Variants in PLAGL1 observed in about 807,000 individuals in gnomAD.
PLAGL1 encodes zinc finger protein PLAGL1.
PLAGL1 carries 1 observed loss-of-function variant against 4.6 expected under a neutral mutation model. The ratio of observed to expected loss-of-function variants is 0.22; its 90% CI spans 0.08 to 1.03. The LOEUF is 1.03. Ranked by LOEUF, PLAGL1 falls within the 50% of genes least tolerant of loss-of-function variation. The pLI is 0.58. For synonymous variants in PLAGL1, 240 were observed against 237.8 expected (o/e 1.01, Z -0.08); for missense variants, 464 against 570.4 (o/e 0.81, Z 1.90).
chr6:143,941,702 G>A lies in PLAGL1; in HGVS notation c.1114C>T (p.Leu372=). 6.2e-7 allele frequency: 1 copy of A among 1,614,260 alleles called. No homozygotes were observed. Among genetic ancestry groups the A allele is most frequent in the South Asian group, 1.1e-5 (1 of 91,086 alleles). Residue 372 remains leucine, a synonymous_variant, in exon 8 of 8, where the codon CTA becomes TTA. Coordinates refer to ENST00000674357, the MANE Select transcript of PLAGL1 (RefSeq NM_001317162.2). The surrounding 1 kb of genome is among the most constrained non-coding windows in gnomAD (Gnocchi z 6.0). The part of the protein sequence containing the change: ...PKELPADAVN[L]TIPASLDLSP... ...AGGTCCAGAGAGGCAGGTATTGTTA[G>A]GTTCACAGCATCTGCAGGCAGCTCC...
rs781556516 is a variant in PLAGL1, at chr6:143,942,372, A to T, written c.444T>A (p.Pro148=). The change falls in exon 8 of 8, where the codon CCT becomes CCA. Residue 148 remains proline, a synonymous_variant. Coordinates refer to ENST00000674357, the MANE Select transcript of PLAGL1 (RefSeq NM_001317162.2). This position sits in a 1 kb window ranked among gnomAD's most constrained non-coding sequence, Gnocchi z 7.6. ...HLKAHAEEKP[P]SGTKEKKHQC... is the part of the protein sequence containing the mutation. ...GGTGCTTCTTTTCCTTGGTTCCGCT[A>T]GGGGGCTTCTCTTCCGCATGGGCTT... 6 of 1,614,068 alleles carry T rather than the reference A, an allele frequency of 3.7e-6. No homozygotes were observed. Among genetic ancestry groups the T allele is most frequent in the Non-Finnish European group, 5.1e-6 (6 of 1,179,988 alleles).
At chr6:144,047,054 AGCACAGTATTT>A (rs1484701663) in intron 1 of PLAGL1, among the ~76,000 whole-genome samples, 2 of 152,214 alleles carry the variant, frequency 1.3e-5, no homozygotes, top group Non-Finnish European at 2.9e-5. Flanking sequence ...CCATTGGAAA[AGCACAGTATTT>A]GGGTGGCAAT....
In PLAGL1 at chr6:144,006,132, C is replaced by T. The variant is rs1794117063; in HGVS notation, c.-584+1958G>A. The stretch of plus-strand genomic sequence containing the variant: ...TACATAAAGAATAATTTAATGAATA[C>T]TGGTATGTCCACCATGGAATTTATG... On this transcript the variant is annotated intron_variant, in intron 1 of 7. Transcript: ENST00000674357. This position sits in a 1 kb window ranked among gnomAD's most constrained non-coding sequence, Gnocchi z 4.3. 1 of 152,062 alleles carries T rather than the reference C, an allele frequency of 6.6e-6. No homozygotes were observed. The highest frequency in any genetic ancestry group is 2.4e-5 in the African/African-American group (1 of 41,404). The allele number at this position is 152,062 out of a possible 1,614,324, so 9.4% of individuals were successfully genotyped here.
intron 1 of PLAGL1, among the ~76,000 whole-genome samples, chr6:144,023,588 A>G (rs1478808124): frequency 6.6e-6 from 1 of 152,148 alleles, no homozygotes; most frequent in Non-Finnish European, 1.5e-5. Context: ...GGGGGTACAA[A>G]TTAACAATTC....
chr6:144,023,469 G>A (rs1337837218), intron 1 of PLAGL1, among the ~76,000 whole-genome samples: 2 of 152,090 alleles, frequency 1.3e-5, no homozygotes, highest in Admixed American at 6.5e-5. Flanking sequence ...TTGAAGGGGG[G>A]CTGGGGAAAA....
chr6:144,011,965 C>T (rs1259911780), upstream of PLAGL1, among the ~76,000 whole-genome samples: 1 of 152,140 alleles, frequency 6.6e-6, no homozygotes. The surrounding 1 kb of genome is among the most constrained non-coding windows in gnomAD (Gnocchi z 4.3). Flanking sequence ...TGCCTTTCCA[C>T]ATTGGGGGAC....
chr6:143,941,424 T>C lies in PLAGL1; in HGVS notation c.1392A>G (p.Ter464=). The C allele has an allele frequency of 1.3e-6, 2 of 1,495,524 alleles. No homozygotes were observed. Among genetic ancestry groups the C allele is most frequent in the Non-Finnish European group, 1.8e-6 (2 of 1,122,220 alleles). 92.6% of individuals were successfully genotyped at this position (1,495,524 alleles called of 1,614,324 possible). ...ACGAAAAATACACTTTAAAAATCAA[T>C]TATCTGAATGCATGATGGAAATGAG... ...ILPHFHHAFR[*] Residue 464 remains the stop codon, a stop_retained_variant, in exon 8 of 8, where the codon TAA becomes TAG. Coordinates refer to ENST00000674357, the MANE Select transcript of PLAGL1 (RefSeq NM_001317162.2). The surrounding 1 kb of genome is among the most constrained non-coding windows in gnomAD (Gnocchi z 6.0).
chr6:144,046,813 C>T (rs1320213472), intron 1 of PLAGL1, among the ~76,000 whole-genome samples: 4 of 152,208 alleles, frequency 2.6e-5, no homozygotes, highest in Non-Finnish European at 4.4e-5. Flanking sequence ...TCTACAGAGG[C>T]AGGCAGGCAG....
In PLAGL1 at chr6:144,027,292, A is replaced by AAAGAAAGAAAGAAAGAAAGAAAAAGT. The variant is rs752733300; in HGVS notation, c.-151+37175_-151+37176insACTTTTTCTTTCTTTCTTTCTTTCTT. On this transcript the variant is annotated intron_variant, in intron 1 of 3. Coordinates refer to the PLAGL1 transcript ENST00000437412. The surrounding 1 kb of genome is among the most constrained non-coding windows in gnomAD (Gnocchi z 5.8). Reference sequence around the variant, plus strand: ...GAAAGAAAGAAAGAAAGAAAGAAAGAAAGTTATTTGATCTGAAGTACAATG... The same window carrying AAAGAAAGAAAGAAAGAAAGAAAAAGT: ...GAAAGAAAGAAAGAAAGAAAGAAAGAAAGAAAGAAAGAAAGAAAGAAAAAGTAAGTTATTTGATCTGAAGTACAATG... 2.0e-3 allele frequency among the ~76,000 whole-genome samples: 285 copies of AAAGAAAGAAAGAAAGAAAGAAAAAGT among 142,390 alleles called. 1 individual carries two copies. Among genetic ancestry groups the AAAGAAAGAAAGAAAGAAAGAAAAAGT allele is most frequent in the South Asian group, 3.4e-3 (15 of 4,432 alleles). The allele number at this position is 142,390 out of a possible 152,430, so 93.4% of individuals were successfully genotyped here. A position where few individuals can be genotyped will look rare whatever the true frequency, so the allele number is the denominator to read the frequency against.
At chr6:143,980,110 T>C (rs1583390186) in intron 2 of PLAGL1, among the ~76,000 whole-genome samples, 1 of 152,126 alleles carries the variant, frequency 6.6e-6, no homozygotes, top group South Asian at 2.1e-4. Flanking sequence ...TCTGAATGTA[T>C]AGTTTTTTCT....
At position 143,980,200 on chromosome 6, in the gene PLAGL1, T is replaced by C. The variant is rs79593986; in HGVS notation, c.-544+4935A>G. The stretch of plus-strand genomic sequence containing the variant: ...TCCCTTGGTGTAGTTTTCTTCATGT[T>C]TTTGTGCTTGCTTGATATTTATTTA... On this transcript the variant is annotated intron_variant, in intron 2 of 7. Coordinates refer to ENST00000674357, the MANE Select transcript of PLAGL1 (RefSeq NM_001317162.2). Among the ~76,000 whole-genome samples, 636 of 152,218 alleles carry C rather than the reference T, an allele frequency of 4.2e-3. 6 individuals carry two copies. The East Asian group carries it at 0.044, about 11-fold the overall frequency.
intron 1 of PLAGL1, among the ~76,000 whole-genome samples, chr6:144,023,933 T>C (rs1361023415): frequency 6.6e-6 from 1 of 151,860 alleles, no homozygotes; most frequent in Non-Finnish European, 1.5e-5. Context: ...CGCACAACCA[T>C]GCCTGGCTAA....
rs958301980 is a variant in PLAGL1 at position 144,053,237 on chromosome 6, C to G, written c.-151+11231G>C. Among the ~76,000 whole-genome samples the G allele has an allele frequency of 2.6e-5, 4 of 152,174 alleles. No homozygotes were observed. Among genetic ancestry groups the G allele is most frequent in the Non-Finnish European group, 5.9e-5 (4 of 68,018 alleles). Reference sequence around the variant, plus strand: ...GCAACCTCTGCCTCCCGGGTTCAAGCAATTCTCCTGCCTCAGTCTCCTGAG... The same window carrying G: ...GCAACCTCTGCCTCCCGGGTTCAAGGAATTCTCCTGCCTCAGTCTCCTGAG... On this transcript the variant is annotated intron_variant, in intron 1 of 3. Transcript: ENST00000437412. This position sits in a 1 kb window ranked among gnomAD's most constrained non-coding sequence, Gnocchi z 4.0.
At chr6:144,049,155 C>T (rs1798400708) in intron 1 of PLAGL1, among the ~76,000 whole-genome samples, 1 of 152,212 alleles carries the variant, frequency 6.6e-6, no homozygotes, top group East Asian at 1.9e-4. Flanking sequence ...CAAGACTTTC[C>T]TTATCTTCAT....
rs1206922082 is a variant in PLAGL1, at chr6:143,940,503, A to C, written c.*921T>G. ...GCTAATAATGACTGATGAATTACAAATGCACTTATTTATTGGTGATTACAA... is the reference window on the plus strand; with the variant it reads ...GCTAATAATGACTGATGAATTACAACTGCACTTATTTATTGGTGATTACAA... On this transcript the variant is annotated 3_prime_UTR_variant, in exon 8 of 8. Transcript: ENST00000674357. 2 of 152,326 alleles carry C rather than the reference A, an allele frequency of 1.3e-5. No individual in the cohort carries two copies. The highest frequency in any genetic ancestry group is 2.9e-5 in the Non-Finnish European group (2 of 68,028). 9.4% of individuals were successfully genotyped at this position (152,326 alleles called of 1,614,324 possible).
chr6:144,032,605 A>C (rs946209905), intron 1 of PLAGL1, among the ~76,000 whole-genome samples: 2 of 152,096 alleles, frequency 1.3e-5, no homozygotes, highest in Admixed American at 1.3e-4. Flanking sequence ...TTTGTCACTC[A>C]GGCTGGAGTC....
upstream of PLAGL1, chr6:144,008,931 T>G (rs1459530451): frequency 6.6e-6 from 1 of 152,228 alleles, no homozygotes; most frequent in East Asian, 1.9e-4. This position sits in a 1 kb window ranked among gnomAD's most constrained non-coding sequence, Gnocchi z 6.9. Flanking sequence ...GGTATCACAC[T>G]ACGTCTGCTT....
At chr6:143,977,629 A>C (rs1328079427) in intron 2 of PLAGL1, among the ~76,000 whole-genome samples, 1 of 151,190 alleles carries the variant, frequency 6.6e-6, no homozygotes, top group African/African-American at 2.4e-5. Flanking sequence ...TAGTCTGTAT[A>C]CCTGAGATTA....
In PLAGL1 at chr6:143,963,695, C is replaced by G. The variant is rs1276929429; in HGVS notation, c.-399+1092G>C. On this transcript the variant is annotated intron_variant, in intron 5 of 7. Transcript: ENST00000674357. The surrounding 1 kb of genome is among the most constrained non-coding windows in gnomAD (Gnocchi z 6.1). ...CCCAGCCTCTCCAAACTTAGAAGCT[C>G]TGCAGTCTAGATTGTTCTCAGAGAT... is the stretch of plus-strand genomic sequence containing the variant. Among the ~76,000 whole-genome samples, 1 of 152,210 alleles carries G rather than the reference C, an allele frequency of 6.6e-6. No individual in the cohort carries two copies. Among genetic ancestry groups the G allele is most frequent in the African/African-American group, 2.4e-5 (1 of 41,464 alleles).
Sources: allele counts gnomAD v4.1 joint callset (sites outside exome capture counted in the v4.1 genomes callset), GRCh38; gene constraint gnomAD v4.1.1; non-coding constraint Gnocchi (gnomAD v3.1); transcripts MANE v1.5; gene names NCBI Gene and HGNC (gene_info 2026-07-23, HGNC 2026-07-21).